The following HTR7 variants were observed in gnomAD, a reference collection of about 807,000 sequenced individuals.
HTR7 encodes the protein 5-hydroxytryptamine receptor 7, also known as 5-HT-7.
In HTR7, 16 loss-of-function variants were observed where a neutral mutation model predicts 34.0. The ratio of observed to expected loss-of-function variants is 0.47; its 90% CI spans 0.32 to 0.71. The LOEUF (loss-of-function observed/expected upper bound fraction) is 0.71, where lower values mean the gene tolerates loss of function less well. HTR7 is among the 30% of genes least tolerant of loss of function. HTR7 has a pLI of 0.04. For synonymous variants in HTR7, 265 were observed against 260.2 expected (o/e 1.02, Z -0.18); for missense variants, 504 against 625.5 (o/e 0.81, Z 2.07).
chr10:90,808,405 C>T (rs1418765925), intron 1 of HTR7, among the ~76,000 whole-genome samples: 1 of 152,156 alleles, frequency 6.6e-6, no homozygotes, highest in Non-Finnish European at 1.5e-5. Flanking sequence ...AACCCCTTCT[C>T]CTTCATCCTT....
intron 1 of HTR7, among the ~76,000 whole-genome samples, chr10:90,841,040 C>T (rs531217937): frequency 6.6e-6 from 1 of 152,292 alleles, no homozygotes; most frequent in Admixed American, 6.5e-5. Context: ...AGCAAGCAGT[C>T]TAAGAGCACA....
At chr10:90,791,025 C>A (rs1357696856) in intron 1 of HTR7, among the ~76,000 whole-genome samples, 1 of 152,014 alleles carries the variant, frequency 6.6e-6, no homozygotes, top group Non-Finnish European at 1.5e-5. Context: ...ACAAATAAAA[C>A]ACTCCCCTTC....
At position 90,789,401 on chromosome 10, in the gene HTR7, A is replaced by G. The variant is rs1845431296; in HGVS notation, c.540-39807T>C. ...AACAAGGTCTCTGGTTTTAAATGCT[A>G]TTTTTTTCTCTTCTGCCCACAATAA... On this transcript the variant is annotated intron_variant, in intron 1 of 3. Transcript: ENST00000336152. Among the ~76,000 whole-genome samples the G allele has an allele frequency of 2.6e-5, 4 of 152,144 alleles. No homozygotes were observed. The South Asian group carries it at 8.3e-4, about 32-fold the overall frequency.
chr10:90,755,009 T>G (rs1844814034), intron 1 of HTR7, among the ~76,000 whole-genome samples: 1 of 152,198 alleles, frequency 6.6e-6, no homozygotes. Context: ...TTTAGAAACA[T>G]GCAGATTCCC....
intron 1 of HTR7, among the ~76,000 whole-genome samples, chr10:90,822,204 CTTGTT>C (rs1845994709): frequency 1.3e-5 from 2 of 152,150 alleles, no homozygotes; most frequent in South Asian, 4.2e-4. Flanking sequence ...TTCCTAGAGA[CTTGTT>C]AAATTGTTGT....
intron 1 of HTR7, among the ~76,000 whole-genome samples, chr10:90,830,521 T>A (rs553404957): frequency 6.6e-6 from 1 of 152,166 alleles, no homozygotes; most frequent in Non-Finnish European, 1.5e-5. Context: ...GCGCAGTGGC[T>A]CACGCCTGTA....
At chr10:90,815,352 A>G (rs1845882772) in intron 1 of HTR7, among the ~76,000 whole-genome samples, 1 of 152,166 alleles carries the variant, frequency 6.6e-6, no homozygotes, top group Non-Finnish European at 1.5e-5. Context: ...TCAGCCTCCC[A>G]AAGTGCTTGG....
At chr10:90,817,467 T>C (rs1168013814) in intron 1 of HTR7, among the ~76,000 whole-genome samples, 1 of 152,244 alleles carries the variant, frequency 6.6e-6, no homozygotes, top group Admixed American at 6.5e-5. Flanking sequence ...ATATGTTTCC[T>C]CTATTCCCAT....
At chr10:90,744,035 T>C (rs1844597167) in intron 2 of HTR7, 1 of 433,574 alleles carries the variant, frequency 2.3e-6, no homozygotes. Flanking sequence ...GAAACTATTA[T>C]GTAGGAGAAT....
intron 1 of HTR7, among the ~76,000 whole-genome samples, chr10:90,843,033 T>A (rs968048149): frequency 6.6e-6 from 1 of 152,196 alleles, no homozygotes; most frequent in Non-Finnish European, 1.5e-5. Flanking sequence ...GAATGTCTTA[T>A]AGGAAGCTGC....
chr10:90,758,909 C>CG (rs1844883680), intron 1 of HTR7, among the ~76,000 whole-genome samples: 1 of 151,942 alleles, frequency 6.6e-6, no homozygotes, highest in Non-Finnish European at 1.5e-5. Flanking sequence ...AAATAGCGGC[C>CG]GGGCGTGGTG....
intron 1 of HTR7, among the ~76,000 whole-genome samples, chr10:90,814,792 C>T (rs1335142916): frequency 1.3e-5 from 2 of 152,170 alleles, no homozygotes; most frequent in South Asian, 2.1e-4. Context: ...TTTGCTAGTT[C>T]CCCAGCATTA....
chr10:90,804,665 A>T (rs1168549656), intron 1 of HTR7, among the ~76,000 whole-genome samples: 1 of 152,186 alleles, frequency 6.6e-6, no homozygotes, highest in Non-Finnish European at 1.5e-5. Flanking sequence ...GTAATAAGAG[A>T]TCTGAAAGAA....
intron 1 of HTR7, among the ~76,000 whole-genome samples, chr10:90,822,299 G>A (rs1845996649): frequency 6.6e-6 from 1 of 152,194 alleles, no homozygotes; most frequent in Non-Finnish European, 1.5e-5. Flanking sequence ...ATTAGGAACT[G>A]AAGTAAAGGT....
At chr10:90,794,999 G>A (rs890000756) in intron 1 of HTR7, among the ~76,000 whole-genome samples, 9 of 152,170 alleles carry the variant, frequency 5.9e-5, no homozygotes, top group South Asian at 2.1e-4. Flanking sequence ...GTCATTGACC[G>A]AAAAAGCATT....
At chr10:90,822,547 T>G (rs969287863) in intron 1 of HTR7, among the ~76,000 whole-genome samples, 10 of 152,202 alleles carry the variant, frequency 6.6e-5, no homozygotes, top group African/African-American at 1.7e-4. Context: ...AGCATAAAAG[T>G]TTGGAAAATT....
At chr10:90,808,563 C>A (rs536681775) in intron 1 of HTR7, among the ~76,000 whole-genome samples, 1 of 151,456 alleles carries the variant, frequency 6.6e-6, no homozygotes, top group Non-Finnish European at 1.5e-5. Context: ...ATCTCTGCGC[C>A]CTGATCCCTT....
In HTR7 at chr10:90,744,218, T is replaced by G. The variant is rs544428537; in HGVS notation, c.1296-528A>C. Reference sequence around the variant, plus strand: ...GAGAGGCAGGGGGAGCAAAGGGTTCTGATTACAAGTCTCCTACTAGCCACC... The same window carrying G: ...GAGAGGCAGGGGGAGCAAAGGGTTCGGATTACAAGTCTCCTACTAGCCACC... On this transcript the variant is annotated intron_variant, in intron 2 of 3. Coordinates refer to ENST00000336152, the MANE Select transcript of HTR7 (RefSeq NM_019859.4). Among the ~76,000 whole-genome samples, 25 of 150,618 alleles carry G rather than the reference T, an allele frequency of 1.7e-4. No individual in the cohort carries two copies. In the South Asian group the frequency reaches 2.1e-3, roughly 13 times the overall value.
At chr10:90,797,735 A>G (rs1031588214) in intron 1 of HTR7, among the ~76,000 whole-genome samples, 1 of 152,246 alleles carries the variant, frequency 6.6e-6, no homozygotes, top group African/African-American at 2.4e-5. Context: ...ATCAGGGTAG[A>G]TAACTGTTTA....
Sources: allele counts gnomAD v4.1 joint callset (sites outside exome capture counted in the v4.1 genomes callset), GRCh38; gene constraint gnomAD v4.1.1; transcripts MANE v1.5; gene names NCBI Gene and HGNC (gene_info 2026-07-23, HGNC 2026-07-21).